MARCHF3: variants seen among roughly 807,000 people sequenced by gnomAD.
MARCHF3 encodes membrane associated ring-CH-type finger 3.
A neutral mutation model predicts 24.2 loss-of-function variants in MARCHF3; 13 were observed. The observed-to-expected ratio is 0.54, with a 90% CI of 0.35 to 0.85. The LOEUF (loss-of-function observed/expected upper bound fraction) is 0.85, where lower values mean the gene tolerates loss of function less well. Ranked by LOEUF, MARCHF3 falls within the 40% of genes least tolerant of loss-of-function variation. The probability of loss-of-function intolerance (pLI) is 0.01; values close to 1 mark genes in which losing one functional copy is unlikely to be tolerated. For missense variants in MARCHF3, 276 were observed against 325.0 expected, an observed-to-expected ratio of 0.85 and a Z score of 1.16; for synonymous variants, 144 against 137.3, an observed-to-expected ratio of 1.05 and a Z score of -0.34.
At chr5:126,942,715 G>A (rs1415577619) in intron 1 of MARCHF3, among the ~76,000 whole-genome samples, 1 of 152,190 alleles carries the variant, frequency 6.6e-6, no homozygotes, top group Non-Finnish European at 1.5e-5. Flanking sequence ...AATCATCAGA[G>A]CTTTCCAGCA....
chr5:127,019,329 C>G (rs1342238066), intron 1 of MARCHF3, among the ~76,000 whole-genome samples: 1 of 152,180 alleles, frequency 6.6e-6, no homozygotes, highest in African/African-American at 2.4e-5. Flanking sequence ...ATCTACCCCC[C>G]TACCCCATCC....
intron 1 of MARCHF3, among the ~76,000 whole-genome samples, chr5:126,918,542 C>A (rs887336191): frequency 6.6e-6 from 1 of 152,164 alleles, no homozygotes; most frequent in Non-Finnish European, 1.5e-5. Flanking sequence ...ATAAGCAGTT[C>A]CCTGCTCTGT....
At chr5:127,011,258 A>G (rs12515192) in intron 1 of MARCHF3, among the ~76,000 whole-genome samples, 84,268 of 151,956 alleles carry the variant, frequency 0.55, 24,180 homozygotes, top group East Asian at 0.79. Flanking sequence ...ATCAGCCAGG[A>G]TACTTCTGTG....
intron 3 of MARCHF3, among the ~76,000 whole-genome samples, chr5:126,878,609 A>G (rs1351164831): frequency 6.6e-6 from 1 of 152,244 alleles, no homozygotes; most frequent in Admixed American, 6.5e-5. Flanking sequence ...AATAATTTAT[A>G]GTGTCCTTGC....
intron 3 of MARCHF3, chr5:126,898,874 T>G (rs1423343442): frequency 3.1e-6 from 3 of 978,698 alleles, no homozygotes; most frequent in African/African-American, 3.5e-5. Context: ...TAGAAAACAT[T>G]TCATTTTCTT....
chr5:126,898,939 C>A, intron 3 of MARCHF3: 1 of 984,890 alleles, frequency 1.0e-6, no homozygotes, highest in Middle Eastern at 5.2e-4. Context: ...ATAAGTGGCA[C>A]ATCTAAGAAT....
chr5:126,947,867 C>T (rs112441998), intron 1 of MARCHF3, among the ~76,000 whole-genome samples: 2,019 of 151,986 alleles, frequency 0.013, 50 homozygotes, highest in African/African-American at 0.047. Context: ...AGACTGCCTC[C>T]CACGTGGGTT....
chr5:126,964,964 G>C (rs1032404257), intron 1 of MARCHF3, among the ~76,000 whole-genome samples: 2 of 149,182 alleles, frequency 1.3e-5, no homozygotes, highest in African/African-American at 5.0e-5. Flanking sequence ...CTTATTAGAA[G>C]CTAATGAAAT....
intron 1 of MARCHF3, among the ~76,000 whole-genome samples, chr5:127,002,012 C>T (rs970628206): frequency 6.6e-6 from 1 of 152,208 alleles, no homozygotes; most frequent in African/African-American, 2.4e-5. Flanking sequence ...ATGGACACTA[C>T]ACATAGTGAC....
At chr5:126,922,067 C>A (rs926665782) in intron 1 of MARCHF3, among the ~76,000 whole-genome samples, 3 of 152,214 alleles carry the variant, frequency 2.0e-5, no homozygotes, top group South Asian at 2.1e-4. Context: ...TAGGTTGCCA[C>A]TGGTAAGTGA....
intron 3 of MARCHF3, among the ~76,000 whole-genome samples, chr5:126,879,807 C>T (rs1382060093): frequency 1.3e-5 from 2 of 152,168 alleles, no homozygotes; most frequent in African/African-American, 4.8e-5. Context: ...TGGGGTCAAA[C>T]ACAGACGATG....
intron 1 of MARCHF3, among the ~76,000 whole-genome samples, chr5:127,011,599 C>G (rs1021697035): frequency 6.6e-6 from 1 of 152,174 alleles, no homozygotes; most frequent in Non-Finnish European, 1.5e-5. Flanking sequence ...AATAACAAAT[C>G]TTCCTCATGT....
At chr5:127,030,326 C>T (rs116923165) in intron 1 of MARCHF3, 24 bp downstream of exon 1, 3,113 of 152,348 alleles carry the variant, frequency 0.02, 75 homozygotes, top group South Asian at 0.12. Context: ...AGAGGAGCCG[C>T]TAGCCCGGCG....
intron 1 of MARCHF3, among the ~76,000 whole-genome samples, chr5:126,990,593 C>T (rs1751719895): frequency 6.6e-6 from 1 of 152,094 alleles, no homozygotes; most frequent in Non-Finnish European, 1.5e-5. Context: ...AAGAAACTAC[C>T]ATCAGAGTGA....
intron 1 of MARCHF3, among the ~76,000 whole-genome samples, chr5:126,939,418 T>C (rs1388369225): frequency 6.6e-6 from 1 of 152,206 alleles, no homozygotes; most frequent in Non-Finnish European, 1.5e-5. Flanking sequence ...CTGTTCTTCA[T>C]TTCTTTCTTA....
intron 1 of MARCHF3, among the ~76,000 whole-genome samples, chr5:127,020,408 G>GA (rs1201491883): frequency 6.6e-6 from 1 of 152,000 alleles, no homozygotes; most frequent in African/African-American, 2.4e-5. Flanking sequence ...CAGAAAAGAG[G>GA]AAAAAAATCT....
intron 3 of MARCHF3, among the ~76,000 whole-genome samples, chr5:126,894,743 G>A (rs1459907800): frequency 6.6e-6 from 1 of 151,946 alleles, no homozygotes; most frequent in African/African-American, 2.4e-5. Flanking sequence ...TTTCAACTTT[G>A]GTGAATCTGA....
intron 1 of MARCHF3, among the ~76,000 whole-genome samples, chr5:126,997,250 A>C (rs1410969795): frequency 6.6e-6 from 1 of 152,198 alleles, no homozygotes; most frequent in Non-Finnish European, 1.5e-5. Context: ...AATAGAGTAC[A>C]CGGACAAGTT....
intron 2 of MARCHF3, 121 bp downstream of exon 2, chr5:126,917,863 A>G: frequency 2.2e-6 from 2 of 924,792 alleles, no homozygotes; most frequent in Non-Finnish European, 3.1e-6. Flanking sequence ...TTTTTTTTCC[A>G]GCACCTCCTC....
Sources: gnomAD v4.1 joint callset for allele counts (sites outside exome capture counted in the v4.1 genomes callset) on GRCh38, gnomAD v4.1.1 for gene constraint, MANE v1.5 for transcripts, NCBI Gene and HGNC (gene_info 2026-07-23, HGNC 2026-07-21) for gene names.